The following GK variants were observed in gnomAD, a reference collection of about 807,000 sequenced individuals.
GK encodes ATP:glycerol 3-phosphotransferase.
GK carries 9 observed loss-of-function variants against 56.4 expected under a neutral mutation model. That is an observed-to-expected ratio of 0.16 (90% CI 0.10 to 0.28). The LOEUF (loss-of-function observed/expected upper bound fraction) is 0.28. Ranked by LOEUF, GK falls within the 10% of genes least tolerant of loss-of-function variation. The pLI, the probability that GK is intolerant of heterozygous loss-of-function variation, is 1.00. For synonymous variants in GK, 104 were observed against 144.1 expected, an observed-to-expected ratio of 0.72 and a Z score of 1.99; for missense variants, 161 against 431.4, an observed-to-expected ratio of 0.37 and a Z score of 5.55.
chrX:30,661,329 G>A (rs1041099212), intron 1 of GK, among the ~76,000 whole-genome samples: 3 of 110,981 alleles, frequency 2.7e-5, no homozygotes, highest in African/African-American at 9.8e-5. Flanking sequence ...TCATCCCTGG[G>A]TGTTGCTCTT....
chrX:30,707,705 T>C, intron 12 of GK, 107 bp downstream of exon 12: 2 of 505,049 alleles, frequency 4.0e-6, no homozygotes, highest in Non-Finnish European at 6.9e-6. Flanking sequence ...TTTTACTTAA[T>C]CTTTATCAGG....
chrX:30,730,773 G>A lies in GK; in HGVS notation c.*2031G>A, dbSNP rs996214919. 1 of 109,610 alleles carries A rather than the reference G, an allele frequency of 9.1e-6. No individual in the cohort carries two copies. The highest frequency in any genetic ancestry group is 1.9e-5 in the Non-Finnish European group (1 of 52,600). The allele number at this position is 109,610 out of a possible 1,213,427, so 9.0% of individuals were successfully genotyped here. ...GTTCGGGACTAGCCTAACCGACATG[G>A]AGAAACCCTATCTCTACTAAAAAAA... On this transcript the variant is annotated 3_prime_UTR_variant, in exon 21 of 21. Transcript: ENST00000427190.
chrX:30,695,905 G>A (rs997917639), intron 6 of GK, 137 bp from the exon 7 acceptor site: 45 of 492,845 alleles, frequency 9.1e-5, no homozygotes, highest in Non-Finnish European at 1.8e-5. Flanking sequence ...CAAAGACTTA[G>A]TACAGAAAAA....
At chrX:30,706,399 T>C (rs1452003015) in intron 11 of GK, among the ~76,000 whole-genome samples, 1 of 112,235 alleles carries the variant, frequency 8.9e-6, no homozygotes, top group Admixed American at 9.4e-5. Context: ...GACTGAGCAC[T>C]GTCCCATCTT....
chrX:30,706,632 G>T (rs1936022466), intron 11 of GK, among the ~76,000 whole-genome samples: 1 of 112,249 alleles, frequency 8.9e-6, no homozygotes, highest in Admixed American at 9.4e-5. Context: ...ATGTCCAAGG[G>T]CCAGACTTGC....
At chrX:30,667,951 A>G (rs1289373957) in intron 2 of GK, 61 bp from the exon 3 acceptor site, 14 of 647,517 alleles carry the variant, frequency 2.2e-5, no homozygotes, top group Admixed American at 4.6e-5. Flanking sequence ...TAACATTTCT[A>G]TAGAAAAAAG....
At chrX:30,698,683 G>A (rs374740858) in intron 9 of GK, among the ~76,000 whole-genome samples, 418 of 88,375 alleles carry the variant, frequency 4.7e-3, no homozygotes, top group African/African-American at 0.017. Flanking sequence ...CAGCCTGGGC[G>A]AGAGGGAGAC....
At chrX:30,720,123 A>T (rs758137240) in intron 16 of GK, 28 bp downstream of exon 16, 3 of 887,637 alleles carry the variant, frequency 3.4e-6, no homozygotes, top group Non-Finnish European at 3.3e-6. Flanking sequence ...GTTTTCTTGT[A>T]CTTAGTTCAC....
chrX:30,660,704 G>A (rs901069308), intron 1 of GK, among the ~76,000 whole-genome samples: 1 of 110,498 alleles, frequency 9.0e-6, no homozygotes, highest in South Asian at 3.8e-4. Context: ...CTGTGCTTCC[G>A]GGGTCTGTGT....
At chrX:30,728,348 T>A (rs186379018) in intron 20 of GK, among the ~76,000 whole-genome samples, 466 of 110,575 alleles carry the variant, frequency 4.2e-3, no homozygotes, top group African/African-American at 0.015. Context: ...AAAAAAAAAA[T>A]TCATGATTAG....
chrX:30,677,116 A>G (rs763476525), intron 3 of GK, among the ~76,000 whole-genome samples: 4 of 112,125 alleles, frequency 3.6e-5, no homozygotes, highest in African/African-American at 6.5e-5. Context: ...TTATTTGGGT[A>G]TTGATCTGGG....
chrX:30,716,681 A>G (rs962810011), intron 13 of GK, among the ~76,000 whole-genome samples: 1 of 112,066 alleles, frequency 8.9e-6, no homozygotes, highest in African/African-American at 3.2e-5. Flanking sequence ...TCCAAAGGAA[A>G]TTTGAATCTT....
At chrX:30,675,747 A>G (rs1933849271) in intron 3 of GK, among the ~76,000 whole-genome samples, 1 of 109,629 alleles carries the variant, frequency 9.1e-6, no homozygotes, top group Non-Finnish European at 1.9e-5. Context: ...GGCTTAAGGA[A>G]TCCTCCTGAG....
In GK at chrX:30,669,751, G is replaced by A. The variant is rs191841550; in HGVS notation, c.259+1633G>A. On this transcript the variant is annotated intron_variant, in intron 3 of 20. Coordinates refer to ENST00000427190, the MANE Select transcript of GK (RefSeq NM_001205019.2). The stretch of plus-strand genomic sequence containing the variant: ...CATCTTGGCTTTGATACTTACCATC[G>A]CTCCTGAGCCTTTCCCCTATTTGTA... Among the ~76,000 whole-genome samples the A allele has an allele frequency of 7.5e-3, 832 of 110,308 alleles. 5 individuals carry two copies. Among genetic ancestry groups the A allele is most frequent in the Middle Eastern group, 0.023 (5 of 215 alleles).
At chrX:30,661,828 A>G (rs1227236912) in intron 1 of GK, among the ~76,000 whole-genome samples, 1 of 112,629 alleles carries the variant, frequency 8.9e-6, no homozygotes, top group African/African-American at 3.2e-5. Flanking sequence ...GTATAAAGCA[A>G]GTGATACAGC....
rs144523573 is a variant in GK at position 30,691,468 on chromosome X, CTT to C, written c.414+289_414+290del. Among the ~76,000 whole-genome samples the C allele has an allele frequency of 2.6e-4, 19 of 72,620 alleles. No individual in the cohort carries two copies. The South Asian group carries it at 4.5e-3, about 17-fold the overall frequency. 63.1% of individuals were successfully genotyped at this position (72,620 alleles called of 115,157 possible). On this transcript the variant is annotated intron_variant, in intron 5 of 20. Coordinates refer to ENST00000427190, the MANE Select transcript of GK (RefSeq NM_001205019.2). The stretch of plus-strand genomic sequence containing the variant: ...CTTAAGTCACACTTCCCAAGGGGTG[CTT>C]TTTTTTTTTTTTTTTTTTTGAGACG...
chrX:30,708,638 T>C (rs1366186417), intron 13 of GK, among the ~76,000 whole-genome samples: 1 of 111,800 alleles, frequency 8.9e-6, no homozygotes, highest in African/African-American at 3.2e-5. Context: ...TGGAAACATT[T>C]GTTTCAAACA....
At chrX:30,712,044 A>G (rs1395574331) in intron 13 of GK, among the ~76,000 whole-genome samples, 2 of 112,509 alleles carry the variant, frequency 1.8e-5, no homozygotes, top group East Asian at 2.8e-4. Flanking sequence ...ATGTGCATGC[A>G]TATCTGAGTC....
intron 19 of GK, among the ~76,000 whole-genome samples, chrX:30,726,019 G>C (rs1937113766): frequency 9.0e-6 from 1 of 110,650 alleles, no homozygotes; most frequent in South Asian, 3.8e-4. Flanking sequence ...CAGATACACA[G>C]TTCTCCTCAC....
Sources: gnomAD v4.1 joint callset for allele counts (sites outside exome capture counted in the v4.1 genomes callset) on GRCh38, gnomAD v4.1.1 for gene constraint, MANE v1.5 for transcripts, NCBI Gene and HGNC (gene_info 2026-07-23, HGNC 2026-07-21) for gene names.